PRKG1: variants seen among roughly 807,000 people sequenced by gnomAD.
PRKG1 encodes protein kinase cGMP-dependent 1.
In PRKG1, 35 loss-of-function variants were observed where a neutral mutation model predicts 88.1. That is an observed-to-expected ratio of 0.40 (90% confidence interval 0.30 to 0.53). The LOEUF (loss-of-function observed/expected upper bound fraction) is 0.53, where lower values mean the gene tolerates loss of function less well. Among genes scored for constraint, PRKG1 ranks in the 20% least tolerant of loss-of-function variants. The pLI is 0.59. For missense variants in PRKG1, 540 were observed against 839.8 expected (o/e 0.64, Z 4.41); for synonymous variants, 303 against 292.5 (o/e 1.04, Z -0.37).
intron 9 of PRKG1, among the ~76,000 whole-genome samples, chr10:52,239,346 A>T (rs964880319): frequency 7.3e-3 from 38 of 5,204 alleles, no homozygotes; most frequent in Admixed American, 0.013. Flanking sequence ...AAATAAAATT[A>T]AAAAAAAAAA....
intron 6 of PRKG1, among the ~76,000 whole-genome samples, chr10:52,062,213 A>C (rs1846253169): frequency 6.6e-6 from 1 of 152,150 alleles, no homozygotes; most frequent in Admixed American, 6.5e-5. Flanking sequence ...AGATGGACAG[A>C]AATGCTCACC....
chr10:51,956,456 G>T (rs910305193), intron 5 of PRKG1, among the ~76,000 whole-genome samples: 1 of 151,962 alleles, frequency 6.6e-6, no homozygotes, highest in Non-Finnish European at 1.5e-5. Context: ...GAAGCAAAGT[G>T]AGAATCTGCC....
chr10:51,476,508 G>C (rs1430454186), intron 3 of PRKG1, among the ~76,000 whole-genome samples: 1 of 152,006 alleles, frequency 6.6e-6, no homozygotes, highest in East Asian at 1.9e-4. Context: ...ACTTCCAGAA[G>C]AGCAATACTT....
intron 7 of PRKG1, among the ~76,000 whole-genome samples, chr10:52,105,615 AC>A (rs1847400274): frequency 6.6e-6 from 1 of 151,986 alleles, no homozygotes; most frequent in Non-Finnish European, 1.5e-5. Flanking sequence ...CAAAGTTAAT[AC>A]CTTTTTAGTT....
intron 3 of PRKG1, among the ~76,000 whole-genome samples, chr10:51,647,333 A>C (rs1164657425): frequency 6.6e-6 from 1 of 152,172 alleles, no homozygotes; most frequent in Non-Finnish European, 1.5e-5. Flanking sequence ...AATATAATTG[A>C]GACAAAAAGA....
At position 52,296,613 on chromosome 10, in the gene PRKG1, A is replaced by C. The variant is rs575809150; in HGVS notation, c.*2713A>C. On this transcript the variant is annotated 3_prime_UTR_variant, in exon 18 of 18. Transcript: ENST00000373980. ...ATTAAAGAACATCTGGATAAGTTAG[A>C]ATAGTGCCAACTTGTTTGATTTGTT... 6.6e-6 allele frequency: 1 copy of C among 152,198 alleles called. No individual in the cohort carries two copies. Among genetic ancestry groups the C allele is most frequent in the East Asian group, 1.9e-4 (1 of 5,188 alleles). 9.4% of individuals were successfully genotyped at this position (152,198 alleles called of 1,614,324 possible). A position where few individuals can be genotyped will look rare whatever the true frequency, so the allele number is the denominator to read the frequency against.
At chr10:51,278,230 G>C (rs1302403558) in intron 2 of PRKG1, among the ~76,000 whole-genome samples, 1 of 152,092 alleles carries the variant, frequency 6.6e-6, no homozygotes, top group East Asian at 1.9e-4. Context: ...TTTTGTCGTT[G>C]GTTCTGTTTG....
At chr10:51,344,752 A>G (rs960209838) in intron 2 of PRKG1, among the ~76,000 whole-genome samples, 1 of 152,140 alleles carries the variant, frequency 6.6e-6, no homozygotes, top group East Asian at 1.9e-4. Flanking sequence ...TTGCCTTTCT[A>G]TAACAAGGGA....
At chr10:51,904,036 A>G (rs1456374083) in intron 4 of PRKG1, among the ~76,000 whole-genome samples, 2 of 152,166 alleles carry the variant, frequency 1.3e-5, no homozygotes, top group Non-Finnish European at 2.9e-5. Flanking sequence ...TATTATTGTC[A>G]TTACAAATTG....
chr10:51,849,014 TGTATTTTGTA>T (rs1273868965), intron 4 of PRKG1, among the ~76,000 whole-genome samples: 2 of 152,206 alleles, frequency 1.3e-5, no homozygotes, highest in East Asian at 3.8e-4. Flanking sequence ...GTTTAGGTCC[TGTATTTTGTA>T]GTATTTATAG....
intron 1 of PRKG1, among the ~76,000 whole-genome samples, chr10:51,103,701 AG>A: frequency 6.6e-6 from 1 of 152,180 alleles, no homozygotes; most frequent in East Asian, 1.9e-4. Context: ...ACAGGCAGGA[AG>A]TGTCAAGCTT....
At chr10:51,141,891 A>G (rs1336333871) in intron 1 of PRKG1, among the ~76,000 whole-genome samples, 1 of 152,212 alleles carries the variant, frequency 6.6e-6, no homozygotes, top group Non-Finnish European at 1.5e-5. Context: ...CTGAAATATT[A>G]TAATTTCTCT....
chr10:51,931,249 A>G (rs965456984), intron 5 of PRKG1, among the ~76,000 whole-genome samples: 2 of 152,206 alleles, frequency 1.3e-5, no homozygotes, highest in African/African-American at 4.8e-5. Flanking sequence ...AAATTAATGT[A>G]CCAGGGGTCA....
At chr10:51,655,582 G>T (rs1312653352) in intron 3 of PRKG1, among the ~76,000 whole-genome samples, 1 of 151,588 alleles carries the variant, frequency 6.6e-6, no homozygotes, top group African/African-American at 2.4e-5. Flanking sequence ...TACTTGGATT[G>T]TTTTTTCAGG....
intron 3 of PRKG1, among the ~76,000 whole-genome samples, chr10:51,727,359 A>T (rs1288084721): frequency 6.6e-6 from 1 of 151,702 alleles, no homozygotes; most frequent in Non-Finnish European, 1.5e-5. Flanking sequence ...GGACTTCAGC[A>T]TTCAGGATTA....
At chr10:51,880,034 T>C (rs1208941338) in intron 4 of PRKG1, among the ~76,000 whole-genome samples, 1 of 152,240 alleles carries the variant, frequency 6.6e-6, no homozygotes, top group Non-Finnish European at 1.5e-5. Context: ...GCACATCCAT[T>C]GGATATTTGC....
rs547329855 is a variant in PRKG1, at chr10:51,967,389, C to T, written c.762+59819C>T. On this transcript the variant is annotated intron_variant, in intron 5 of 17. Coordinates refer to ENST00000373980, the MANE Select transcript of PRKG1 (RefSeq NM_006258.4). The stretch of plus-strand genomic sequence containing the variant: ...GAACACATGGACACAGGAAGGGGAA[C>T]ATCACACACTGAGGCCTGTTGTGGG... Among the ~76,000 whole-genome samples, 70 of 151,944 alleles carry T rather than the reference C, an allele frequency of 4.6e-4. 1 individual carries two copies. In the Middle Eastern group the frequency reaches 0.017, roughly 37 times the overall value.
chr10:51,837,703 G>A (rs141653798), intron 4 of PRKG1, among the ~76,000 whole-genome samples: 4 of 152,116 alleles, frequency 2.6e-5, no homozygotes, highest in African/African-American at 7.2e-5. Flanking sequence ...CACACTGTCC[G>A]GATGTTTGCT....
chr10:51,279,218 T>G (rs146870418), intron 2 of PRKG1, among the ~76,000 whole-genome samples: 1 of 152,218 alleles, frequency 6.6e-6, no homozygotes, highest in Admixed American at 6.5e-5. Context: ...ATGTACCCAA[T>G]AGTCATTCAG....
Sources: allele counts gnomAD v4.1 joint callset (sites outside exome capture counted in the v4.1 genomes callset), GRCh38; gene constraint gnomAD v4.1.1; transcripts MANE v1.5; gene names NCBI Gene and HGNC (gene_info 2026-07-23, HGNC 2026-07-21).